The following WDR44 variants were observed in gnomAD, a reference collection of about 807,000 sequenced individuals.
WDR44 encodes the protein WD repeat domain 44.
In WDR44, 9 loss-of-function variants were observed where a neutral mutation model predicts 65.7. That is an observed-to-expected ratio of 0.14 (90% CI 0.08 to 0.24). WDR44 has a LOEUF of 0.24. Ranked by LOEUF, WDR44 falls within the 10% of genes least tolerant of loss-of-function variation. The pLI is 1.00. For synonymous variants in WDR44, 220 were observed against 235.2 expected (o/e 0.94, Z 0.59); for missense variants, 425 against 670.9 (o/e 0.63, Z 4.05).
intron 1 of WDR44, among the ~76,000 whole-genome samples, chrX:118,352,352 A>ATTTTTTTTTTTTTTTTT (rs556374639): frequency 1.4e-4 from 2 of 14,224 alleles, no homozygotes; most frequent in African/African-American, 3.7e-4. Flanking sequence ...ATATATATAT[A>ATTTTTTTTTTTTTTTTT]TTTTTTTTTT....
chrX:118,381,576 C>CT (rs371445545), intron 2 of WDR44, among the ~76,000 whole-genome samples: 2,299 of 87,089 alleles, frequency 0.026, 90 homozygotes, highest in African/African-American at 0.095. Context: ...GTTCTTTCTT[C>CT]TTTTTTTTTT....
intron 7 of WDR44, 132 bp from the exon 8 acceptor site, chrX:118,398,255 A>G: frequency 2.3e-6 from 1 of 428,114 alleles, no homozygotes. Context: ...ATAAATAAAT[A>G]ATTAAAATTA....
chrX:118,356,849 T>TC (rs1240634565), intron 1 of WDR44, among the ~76,000 whole-genome samples: 1 of 103,361 alleles, frequency 9.7e-6, no homozygotes, highest in East Asian at 3.0e-4. Flanking sequence ...TTTCTTTCTT[T>TC]TTTTTTTTTT....
chrX:118,376,002 CAGT>C (rs2056656287), intron 1 of WDR44, among the ~76,000 whole-genome samples: 1 of 112,009 alleles, frequency 8.9e-6, no homozygotes, highest in Admixed American at 9.5e-5. Flanking sequence ...GGTTAGAGTG[CAGT>C]AGCACAATCA....
At chrX:118,435,287 C>CT (rs1050196187) in intron 13 of WDR44, among the ~76,000 whole-genome samples, 29 of 110,985 alleles carry the variant, frequency 2.6e-4, no homozygotes, top group Non-Finnish European at 4.7e-4. Context: ...CTTCTGTTTT[C>CT]TTTTTTTTGA....
chrX:118,372,163 A>G (rs1369015342), intron 1 of WDR44, among the ~76,000 whole-genome samples: 3 of 110,877 alleles, frequency 2.7e-5, no homozygotes, highest in Middle Eastern at 9.4e-3. Flanking sequence ...AGAGGATATA[A>G]TATTTAGATC....
chrX:118,353,568 T>A (rs1217551542), intron 1 of WDR44, among the ~76,000 whole-genome samples: 3 of 112,118 alleles, frequency 2.7e-5, no homozygotes, highest in African/African-American at 9.7e-5. Context: ...CAAACCTTTT[T>A]AAACATTTTA....
chrX:118,403,880 T>C (rs963706438), intron 8 of WDR44, among the ~76,000 whole-genome samples: 2 of 112,343 alleles, frequency 1.8e-5, no homozygotes, highest in African/African-American at 6.5e-5. Flanking sequence ...CATCTTAAGC[T>C]ACCAAAGCAT....
intron 17 of WDR44, among the ~76,000 whole-genome samples, chrX:118,442,947 T>C (rs1320801475): frequency 2.7e-5 from 3 of 111,394 alleles, no homozygotes; most frequent in African/African-American, 9.8e-5. Flanking sequence ...AAGACTCTCA[T>C]CTCTAGAGTT....
chrX:118,431,407 G>A (rs12558254), intron 12 of WDR44, among the ~76,000 whole-genome samples: 6,336 of 111,659 alleles, frequency 0.057, 334 homozygotes, highest in East Asian at 0.25. Context: ...GGGTTCAAGC[G>A]ATTCTCCTGC....
At chrX:118,360,673 C>T (rs2056503696) in intron 1 of WDR44, among the ~76,000 whole-genome samples, 1 of 112,218 alleles carries the variant, frequency 8.9e-6, no homozygotes, top group South Asian at 3.7e-4. Context: ...ACCTTAGAAT[C>T]CTAGCGCCTT....
chrX:118,398,370 A>G lies in WDR44; in HGVS notation c.1191-17A>G. On this transcript the variant is annotated splice_polypyrimidine_tract_variant and intron_variant, in intron 7 of 19. Transcript: ENST00000254029. ...AGAAGAAATGGCTTCTTTTAAAACA[A>G]CTTCCCCTTCTTACAGTAATGACGC... is the stretch of plus-strand genomic sequence containing the variant. 68 of 1,200,057 alleles carry G rather than the reference A, an allele frequency of 5.7e-5. No individual in the cohort carries two copies. Among genetic ancestry groups the G allele is most frequent in the Non-Finnish European group, 7.6e-5 (67 of 887,075 alleles).
chrX:118,381,912 A>C (rs776778052), intron 2 of WDR44, among the ~76,000 whole-genome samples: 49 of 111,126 alleles, frequency 4.4e-4, no homozygotes, highest in African/African-American at 1.6e-3. Flanking sequence ...TCACCCAGGC[A>C]AGAATGCAAT....
At chrX:118,383,878 C>CTTTT (rs549809406) in intron 2 of WDR44, among the ~76,000 whole-genome samples, 8 of 69,814 alleles carry the variant, frequency 1.1e-4, no homozygotes, top group Admixed American at 4.2e-4. Context: ...TTTTTAATTT[C>CTTTT]TTTTTTTTTT....
At chrX:118,400,047 C>G (rs947240024) in intron 8 of WDR44, among the ~76,000 whole-genome samples, 6 of 110,883 alleles carry the variant, frequency 5.4e-5, no homozygotes, top group African/African-American at 1.6e-4. Flanking sequence ...GTGATCACAC[C>G]ACTGCACTTC....
chrX:118,440,167 A>G (rs1416630799), intron 14 of WDR44, among the ~76,000 whole-genome samples: 1 of 109,887 alleles, frequency 9.1e-6, no homozygotes, highest in Non-Finnish European at 1.9e-5. Context: ...TTATGTTGCC[A>G]AAAACAAAAC....
At chrX:118,354,430 A>C (rs905030382) in intron 1 of WDR44, among the ~76,000 whole-genome samples, 6 of 110,207 alleles carry the variant, frequency 5.4e-5, no homozygotes, top group Non-Finnish European at 1.1e-4. Flanking sequence ...AAAAAAAAAA[A>C]AAAACTATAG....
At chrX:118,435,664 A>G (rs2057249131) in intron 13 of WDR44, among the ~76,000 whole-genome samples, 1 of 112,845 alleles carries the variant, frequency 8.9e-6, no homozygotes, top group African/African-American at 3.2e-5. Flanking sequence ...ATCAACAGGA[A>G]ATTATAATGC....
chrX:118,373,560 A>T (rs1446244820), intron 1 of WDR44, among the ~76,000 whole-genome samples: 1 of 111,911 alleles, frequency 8.9e-6, no homozygotes, highest in East Asian at 2.8e-4. Flanking sequence ...CCTTTGACTT[A>T]ATCAGTTTAG....
Sources: allele counts gnomAD v4.1 joint callset (sites outside exome capture counted in the v4.1 genomes callset), GRCh38; gene constraint gnomAD v4.1.1; transcripts MANE v1.5; gene names NCBI Gene and HGNC (gene_info 2026-07-23, HGNC 2026-07-21).